DOK5: variants seen among roughly 807,000 people sequenced by gnomAD.
DOK5 encodes downstream of tyrosine kinase 5.
A neutral mutation model predicts 43.3 loss-of-function variants in DOK5; 27 were observed. That is an observed-to-expected ratio of 0.62 (90% CI 0.46 to 0.86). The LOEUF is 0.86. Ranked by LOEUF, DOK5 falls within the 40% of genes least tolerant of loss-of-function variation. The probability of loss-of-function intolerance (pLI) is 0.00; values close to 1 mark genes in which losing one functional copy is unlikely to be tolerated. For missense variants in DOK5, 373 were observed against 392.9 expected (o/e 0.95, Z 0.43); for synonymous variants, 146 against 140.1 (o/e 1.04, Z -0.30).
Position 54,588,783 on chromosome 20 carries a change from C to T in DOK5, c.386C>T (p.Thr129Ile). 6.2e-7 allele frequency: 1 copy of T among 1,613,912 alleles called. No homozygotes were observed. The highest frequency in any genetic ancestry group is 8.5e-7 in the Non-Finnish European group (1 of 1,179,906). ...ISLGEPDLLA[T>I]GVEREQSERF... Reference sequence around the variant, plus strand: ...CTTGGAGAGCCTGACTTACTGGCCACTGGGGTTGAGAGAGAACAGAGTGGT... The same window carrying T: ...CTTGGAGAGCCTGACTTACTGGCCATTGGGGTTGAGAGAGAACAGAGTGGT... Residue 129 changes from threonine (T) to isoleucine (I), a missense_variant, in exon 4 of 8, where the codon ACT becomes ATT. Physicochemically the swap from Thr to Ile is moderately conservative, Grantham distance 89. Coordinates refer to ENST00000262593, the MANE Select transcript of DOK5 (RefSeq NM_018431.5).
intron 6 of DOK5, among the ~76,000 whole-genome samples, chr20:54,637,077 G>A (rs946885040): frequency 1.3e-5 from 2 of 152,002 alleles, no homozygotes; most frequent in Non-Finnish European, 2.9e-5. Flanking sequence ...TTCATCACAG[G>A]TCTCTTAGTT....
rs187279839 is a variant in DOK5 at position 54,558,058 on chromosome 20, T to C, written c.174+3018T>C. 3.3e-4 allele frequency among the ~76,000 whole-genome samples: 50 copies of C among 152,356 alleles called. No homozygotes were observed. In the East Asian group the frequency reaches 8.7e-3, roughly 26 times the overall value. On this transcript the variant is annotated intron_variant, in intron 2 of 7. Transcript: ENST00000262593. ...TTATCAGTAGAGGAAATGGAATACA[T>C]ACAGATGTCTATGTGTCATACTTTT...
At chr20:54,650,322 C>G in intron 7 of DOK5, 93 bp from the exon 8 acceptor site, 1 of 1,278,152 alleles carries the variant, frequency 7.8e-7, no homozygotes, top group East Asian at 2.5e-5. Flanking sequence ...AGTACATTTA[C>G]TTATTTCTGT....
intron 6 of DOK5, among the ~76,000 whole-genome samples, chr20:54,642,475 G>T (rs542908341): frequency 6.6e-6 from 1 of 150,982 alleles, no homozygotes; most frequent in African/African-American, 2.4e-5. Flanking sequence ...AGGCCGAGGT[G>T]GGTGGATCAC....
chr20:54,620,857 T>C (rs750897308), intron 6 of DOK5, among the ~76,000 whole-genome samples: 1 of 151,922 alleles, frequency 6.6e-6, no homozygotes, highest in Non-Finnish European at 1.5e-5. Context: ...GCTGGGGAAA[T>C]GGCTCTGAAG....
intron 6 of DOK5, among the ~76,000 whole-genome samples, chr20:54,612,549 CA>C (rs1986683294): frequency 6.6e-6 from 1 of 152,008 alleles, no homozygotes; most frequent in African/African-American, 2.4e-5. Flanking sequence ...GGGCCTCATC[CA>C]ATCTGATGGA....
chr20:54,621,560 G>A (rs1289668902), intron 6 of DOK5, among the ~76,000 whole-genome samples: 1 of 152,090 alleles, frequency 6.6e-6, no homozygotes, highest in Non-Finnish European at 1.5e-5. Flanking sequence ...ATGGTGGCAG[G>A]TGCCTGTAAT....
At chr20:54,612,119 T>G (rs1026631357) in intron 6 of DOK5, among the ~76,000 whole-genome samples, 1 of 152,266 alleles carries the variant, frequency 6.6e-6, no homozygotes, top group Non-Finnish European at 1.5e-5. Flanking sequence ...GAAATATTAC[T>G]CTTCTGTTGA....
intron 2 of DOK5, among the ~76,000 whole-genome samples, chr20:54,587,437 C>T (rs935374421): frequency 6.6e-6 from 1 of 152,096 alleles, no homozygotes; most frequent in Non-Finnish European, 1.5e-5. Flanking sequence ...AACGGAACAA[C>T]ATCATTGCAG....
At chr20:54,560,687 C>G (rs1984871750) in intron 2 of DOK5, among the ~76,000 whole-genome samples, 1 of 152,154 alleles carries the variant, frequency 6.6e-6, no homozygotes, top group Non-Finnish European at 1.5e-5. Context: ...ATGGCACGAT[C>G]TCGGCTCACT....
In DOK5 at chr20:54,496,718, A is replaced by T. The variant is rs563952333; in HGVS notation, c.66+20706A>T. On this transcript the variant is annotated intron_variant, in intron 1 of 7. Transcript: ENST00000262593. ...GAGGTGGAGCTTGCAGTGAGCCGAG[A>T]TCGCACCACTGCACTCCAGGCTGGG... Among the ~76,000 whole-genome samples, 680 of 147,064 alleles carry T rather than the reference A, an allele frequency of 4.6e-3. 10 individuals carry two copies. The highest frequency in any genetic ancestry group is 0.01 in the Middle Eastern group (3 of 286).
chr20:54,543,621 G>A (rs1201374955), intron 1 of DOK5, among the ~76,000 whole-genome samples: 1 of 151,674 alleles, frequency 6.6e-6, no homozygotes. Flanking sequence ...AGAGAGAGGA[G>A]GGGAAGGGAG....
At position 54,520,638 on chromosome 20, in the gene DOK5, T is replaced by C. The variant is rs76284359; in HGVS notation, c.67-34295T>C. On this transcript the variant is annotated intron_variant, in intron 1 of 7. Transcript: ENST00000262593. ...TACTAAAAATAATAATAAAAAATTA[T>C]CTGGGTGTGGTGGTGTGTGCTTATA... 7.4e-3 allele frequency among the ~76,000 whole-genome samples: 1,120 copies of C among 152,082 alleles called. 15 individuals carry two copies. The highest frequency in any genetic ancestry group is 0.026 in the African/African-American group (1,059 of 41,496).
At chr20:54,632,943 G>T (rs1235547419) in intron 6 of DOK5, among the ~76,000 whole-genome samples, 1 of 152,076 alleles carries the variant, frequency 6.6e-6, no homozygotes, top group Non-Finnish European at 1.5e-5. Flanking sequence ...CAGGCGTGGT[G>T]GTGCGTCCCT....
At chr20:54,580,114 C>A (rs1181399153) in intron 2 of DOK5, among the ~76,000 whole-genome samples, 1 of 152,000 alleles carries the variant, frequency 6.6e-6, no homozygotes, top group Non-Finnish European at 1.5e-5. Context: ...TGAACTCATC[C>A]TTTTTTATGG....
chr20:54,523,035 G>A (rs573337450), intron 1 of DOK5, among the ~76,000 whole-genome samples: 2 of 152,184 alleles, frequency 1.3e-5, no homozygotes, highest in African/African-American at 4.8e-5. Context: ...AAGTATGTCT[G>A]GTACATAATA....
intron 5 of DOK5, among the ~76,000 whole-genome samples, chr20:54,593,358 A>G (rs1317452689): frequency 1.3e-5 from 2 of 152,184 alleles, no homozygotes; most frequent in Non-Finnish European, 2.9e-5. Context: ...AACTGTCTGC[A>G]AAGTTTTTTA....
chr20:54,580,464 G>A (rs975322134), intron 2 of DOK5, among the ~76,000 whole-genome samples: 1 of 151,868 alleles, frequency 6.6e-6, no homozygotes, highest in Non-Finnish European at 1.5e-5. Context: ...CATTCCCATC[G>A]AGAGCACACA....
At chr20:54,494,287 CA>C (rs1982305592) in intron 1 of DOK5, among the ~76,000 whole-genome samples, 1 of 152,216 alleles carries the variant, frequency 6.6e-6, no homozygotes, top group Non-Finnish European at 1.5e-5. Context: ...CGATTTCCTT[CA>C]AAACTGCAGT....
Sources: gnomAD v4.1 joint callset for allele counts (sites outside exome capture counted in the v4.1 genomes callset) on GRCh38, gnomAD v4.1.1 for gene constraint, MANE v1.5 for transcripts, NCBI Gene and HGNC (gene_info 2026-07-23, HGNC 2026-07-21) for gene names.